The following MUC12 variants were observed in gnomAD, a reference collection of about 807,000 sequenced individuals.
MUC12 encodes mucin 12, cell surface associated, also known as mucin-12.
Under a neutral mutation model 230.8 loss-of-function variants are expected in MUC12, and 172 were observed. The observed-to-expected ratio is 0.75, with a 90% CI of 0.66 to 0.85. The LOEUF is 0.85. MUC12 is among the 40% of genes least tolerant of loss of function. The probability of loss-of-function intolerance (pLI) is 0.00; values close to 1 mark genes in which losing one functional copy is unlikely to be tolerated. For synonymous variants in MUC12, 1,259 were observed against 2,401.9 expected, an observed-to-expected ratio of 0.52 and a Z score of 13.91; for missense variants, 3,506 against 5,920.6, an observed-to-expected ratio of 0.59 and a Z score of 13.38.
In MUC12 at chr7:101,006,715, A is replaced by C; in HGVS notation, c.15058+143A>C. 11 of 625,984 alleles carry C rather than the reference A, an allele frequency of 1.8e-5. No homozygotes were observed. The South Asian group carries it at 2.2e-4, about 12-fold the overall frequency. 38.8% of individuals were successfully genotyped at this position (625,984 alleles called of 1,614,324 possible). A position where few individuals can be genotyped will look rare whatever the true frequency, so the allele number is the denominator to read the frequency against. On this transcript the variant is annotated intron_variant, in intron 3 of 11. Transcript: ENST00000536621. The stretch of plus-strand genomic sequence containing the variant: ...TTCCCAGCAACACTGTAGGGAGAAC[A>C]TGAACCTTCTACCTTTGCCTTCAGG...
At position 101,002,891 on chromosome 7, in the gene MUC12, C is replaced by T. The variant is rs201474600; in HGVS notation, c.12328C>T (p.Arg4110Cys). 523 of 1,194,324 alleles carry T rather than the reference C, an allele frequency of 4.4e-4. 2 individuals carry two copies. Among genetic ancestry groups the T allele is most frequent in the African/African-American group, 1.2e-3 (70 of 56,798 alleles). The allele number at this position is 1,194,324 out of a possible 1,614,324, so 74.0% of individuals were successfully genotyped here. ...TGAAGTATCCACAACCTACCACAGCCGCCCGAGCTCAACTCCAACAACACA... is the reference window on the plus strand; with the variant it reads ...TGAAGTATCCACAACCTACCACAGCTGCCCGAGCTCAACTCCAACAACACA... ...PVEVSTTYHS[R>C]PSSTPTTHFS... Residue 4110 changes from arginine (R) to cysteine (C), a missense_variant, in exon 2 of 12, where the codon CGC becomes TGC. Arg to Cys is a radical substitution (Grantham distance 180). Transcript: ENST00000536621.
chr7:101,007,825 T>A (rs1028651722), intron 3 of MUC12, among the ~76,000 whole-genome samples: 1 of 152,134 alleles, frequency 6.6e-6, no homozygotes, highest in Non-Finnish European at 1.5e-5. Context: ...AGAGATGGAG[T>A]CTTGCTCTGT....
At chr7:101,011,134 G>T (rs190059151) in intron 5 of MUC12, among the ~76,000 whole-genome samples, 31 of 152,264 alleles carry the variant, frequency 2.0e-4, no homozygotes, top group Non-Finnish European at 3.8e-4. Flanking sequence ...CCCCAGTGGA[G>T]AATGGAAAGA....
At chr7:101,010,181 G>A (rs886500975) in intron 5 of MUC12, among the ~76,000 whole-genome samples, 5 of 152,250 alleles carry the variant, frequency 3.3e-5, no homozygotes, top group South Asian at 2.1e-4. Context: ...GGCTGGAGGT[G>A]TGGGGTGCCC....
intron 1 of MUC12, among the ~76,000 whole-genome samples, chr7:100,975,315 G>T (rs1406782072): frequency 3.3e-5 from 5 of 152,306 alleles, no homozygotes; most frequent in African/African-American, 1.2e-4. Context: ...CGGGGCCAGG[G>T]GTCTGAAGGG....
At position 100,992,842 on chromosome 7, in the gene MUC12, C is replaced by A. The variant is rs778569140; in HGVS notation, c.2279C>A (p.Thr760Asn). The part of the protein sequence containing the change: ...ATTHFPDSST[T>N]SGRSEESTAS... ...ACACACTTCCCTGACAGCTCCACAA[C>A]CTCAGGCCGTAGTGAGGAATCAACA... The change falls in exon 2 of 12, where the codon ACC becomes AAC. Residue 760 changes from threonine to asparagine, a missense_variant. By Grantham distance (65) the Thr-to-Asn change is moderately conservative. Transcript: ENST00000536621. 7 of 1,537,582 alleles carry A rather than the reference C, an allele frequency of 4.6e-6. No homozygotes were observed. Among genetic ancestry groups the A allele is most frequent in the Admixed American group, 2.0e-5 (1 of 50,956 alleles).
chr7:100,987,325 C>T (rs1373078015), intron 1 of MUC12, among the ~76,000 whole-genome samples: 2 of 152,136 alleles, frequency 1.3e-5, no homozygotes, highest in Non-Finnish European at 2.9e-5. Context: ...CCTCAGCCTC[C>T]CAAAGTGCTG....
At chr7:100,978,537 C>T (rs1300549566) in intron 1 of MUC12, among the ~76,000 whole-genome samples, 2 of 152,176 alleles carry the variant, frequency 1.3e-5, no homozygotes, top group Non-Finnish European at 2.9e-5. Flanking sequence ...CAGCGGTGTA[C>T]AGGTTGGTCT....
chr7:100,991,712 T>A lies in MUC12; in HGVS notation c.1149T>A (p.Ser383Arg), dbSNP rs2116302934. The change falls in exon 2 of 12, where the codon AGT becomes AGA. Residue 383 changes from serine to arginine, a missense_variant. Transcript: ENST00000536621. ...AAAGCTCCACAACTTCAGGCCATAG[T>A]GAAGAATCAGCAACTTTCCACGGCA... ...FPESSTTSGH[S>R]EESATFHGST... 1 of 1,537,990 alleles carries A rather than the reference T, an allele frequency of 6.5e-7. No homozygotes were observed. Among genetic ancestry groups the A allele is most frequent in the Non-Finnish European group, 8.7e-7 (1 of 1,147,084 alleles).
Position 100,986,174 on chromosome 7 carries a change from A to T in MUC12, c.68-4457A>T, listed in dbSNP as rs542405054. Among the ~76,000 whole-genome samples, 6 of 152,282 alleles carry T rather than the reference A, an allele frequency of 3.9e-5. No homozygotes were observed. The East Asian group carries it at 1.2e-3, about 29-fold the overall frequency. On this transcript the variant is annotated intron_variant, in intron 1 of 11. Transcript: ENST00000536621. ...CAGAAGTTTGAGACTGGCCTGGGCAACATAGCAAGATCCCATCTCTAAAAA... is the reference window on the plus strand; with the variant it reads ...CAGAAGTTTGAGACTGGCCTGGGCATCATAGCAAGATCCCATCTCTAAAAA...
At chr7:100,972,004 C>G (rs868286708) in intron 1 of MUC12, 1 of 693,626 alleles carries the variant, frequency 1.4e-6, no homozygotes, top group Non-Finnish European at 2.6e-6. Flanking sequence ...AGAAAAACAT[C>G]TATCTATGGC....
chr7:101,007,417 C>A (rs1423769654), intron 3 of MUC12, among the ~76,000 whole-genome samples: 1 of 152,172 alleles, frequency 6.6e-6, no homozygotes, highest in Non-Finnish European at 1.5e-5. Flanking sequence ...CCCTTCCCAG[C>A]CTCTGGTAAC....
rs969506169 is a variant in MUC12 at position 101,004,822 on chromosome 7, A to C, written c.14259A>C (p.Ser4753=). The C allele has an allele frequency of 4.6e-5, 70 of 1,537,102 alleles. No individual in the cohort carries two copies. Among genetic ancestry groups the C allele is most frequent in the Non-Finnish European group, 5.8e-5 (66 of 1,146,752 alleles). ...CCAGATCACCAGACCAAACACTCTCACCTGCCAGCATGACAAGCTCCAGCA... is the reference window on the plus strand; with the variant it reads ...CCAGATCACCAGACCAAACACTCTCCCCTGCCAGCATGACAAGCTCCAGCA... ...SSSRSPDQTL[S]PASMTSSSIS... is the part of the protein sequence containing the mutation. The change falls in exon 2 of 12, where the codon TCA becomes TCC. Residue 4753 remains serine, a synonymous_variant. Transcript: ENST00000536621.
chr7:101,009,930 TG>T (rs1204383656), intron 5 of MUC12, among the ~76,000 whole-genome samples: 1 of 152,154 alleles, frequency 6.6e-6, no homozygotes, highest in East Asian at 1.9e-4. Flanking sequence ...GCATCAGCAG[TG>T]TAGACCCATG....
At position 101,004,492 on chromosome 7, in the gene MUC12, A is replaced by C. The variant is rs1487654266; in HGVS notation, c.13929A>C (p.Ser4643=). Residue 4643 remains serine (S), a synonymous_variant, in exon 2 of 12, where the codon TCA becomes TCC. Coordinates refer to ENST00000536621, the MANE Select transcript of MUC12 (RefSeq NM_001164462.2). ...GCAGCACAACACACACAATATCTTC[A>C]CCTCCTAGCACCACATCTGCCCTTG... ...SHSSTTHTIS[S]PPSTTSALVE... 6.5e-7 allele frequency: 1 copy of C among 1,528,420 alleles called. No individual in the cohort carries two copies. The allele number at this position is 1,528,420 out of a possible 1,614,324, so 94.7% of individuals were successfully genotyped here. A position where few individuals can be genotyped will look rare whatever the true frequency, so the allele number is the denominator to read the frequency against.
In MUC12 at chr7:101,018,584, C is replaced by T; in HGVS notation, c.15967-11C>T. 1.3e-6 allele frequency: 2 copies of T among 1,536,204 alleles called. No homozygotes were observed. Among genetic ancestry groups the T allele is most frequent in the Non-Finnish European group, 8.7e-7 (1 of 1,146,318 alleles). ...GCCCCTTGGCCTCACCTCTTCTCTC[C>T]CGTCCCCCAGCTCCACATCCAGAGG... On this transcript the variant is annotated splice_polypyrimidine_tract_variant and intron_variant, in intron 11 of 11. Transcript: ENST00000536621.
At chr7:100,979,973 TA>T (rs1563086031) in intron 1 of MUC12, among the ~76,000 whole-genome samples, 1 of 149,356 alleles carries the variant, frequency 6.7e-6, no homozygotes, top group East Asian at 2.0e-4. Context: ...CGCAGTGAGC[TA>T]GGATCTCACC....
chr7:101,010,712 A>AG (rs1793828917), intron 5 of MUC12, among the ~76,000 whole-genome samples: 1 of 152,076 alleles, frequency 6.6e-6, no homozygotes, highest in Non-Finnish European at 1.5e-5. Flanking sequence ...ACAGGGTTTC[A>AG]CCACGTTGGC....
At chr7:101,013,716 G>T (rs1441312091) in intron 8 of MUC12, among the ~76,000 whole-genome samples, 197 bp from the exon 9 acceptor site, 4 of 152,152 alleles carry the variant, frequency 2.6e-5, no homozygotes, top group Admixed American at 6.5e-5. Flanking sequence ...TTCCTGATCT[G>T]CAGTCTCCAG....
Sources: gnomAD v4.1 joint callset for allele counts (sites outside exome capture counted in the v4.1 genomes callset) on GRCh38, gnomAD v4.1.1 for gene constraint, MANE v1.5 for transcripts, NCBI Gene and HGNC (gene_info 2026-07-23, HGNC 2026-07-21) for gene names.